Variants in PHTF2 observed in about 807,000 individuals in gnomAD.
PHTF2 encodes protein PHTF2.
Under a neutral mutation model 101.2 loss-of-function variants are expected in PHTF2, and 60 were observed. The ratio of observed to expected loss-of-function variants is 0.59; its 90% CI spans 0.48 to 0.73. The LOEUF (loss-of-function observed/expected upper bound fraction) is 0.73. Ranked by LOEUF, PHTF2 falls within the 30% of genes least tolerant of loss-of-function variation. The probability of loss-of-function intolerance (pLI) is 0.00; values close to 1 mark genes in which losing one functional copy is unlikely to be tolerated. For missense variants in PHTF2, 747 were observed against 908.7 expected (o/e 0.82, Z 2.29); for synonymous variants, 311 against 307.3 (o/e 1.01, Z -0.13).
At chr7:77,804,149 G>C (rs950266148) in intron 1 of PHTF2, among the ~76,000 whole-genome samples, 6 of 152,242 alleles carry the variant, frequency 3.9e-5, no homozygotes, top group African/African-American at 1.4e-4. Context: ...CTGGGGGATA[G>C]AGCAAGCTGA....
chr7:77,880,384 C>T (rs1195261875), intron 3 of PHTF2, among the ~76,000 whole-genome samples: 3 of 152,136 alleles, frequency 2.0e-5, no homozygotes, highest in African/African-American at 2.4e-5. Context: ...TAAAATCATT[C>T]TCCCATCTTA....
chr7:77,905,921 C>G (rs890971340), intron 7 of PHTF2, among the ~76,000 whole-genome samples: 3 of 152,142 alleles, frequency 2.0e-5, no homozygotes, highest in Middle Eastern at 3.2e-3. Flanking sequence ...GTTCGTAGGA[C>G]TTCATTAAAT....
intron 3 of PHTF2, among the ~76,000 whole-genome samples, chr7:77,868,059 A>G (rs563740273): frequency 3.3e-5 from 5 of 152,252 alleles, no homozygotes; most frequent in Admixed American, 2.6e-4. Flanking sequence ...CCCCCATTCT[A>G]TATAAAGTAC....
intron 9 of PHTF2, among the ~76,000 whole-genome samples, chr7:77,919,895 G>T (rs961487746): frequency 3.9e-5 from 6 of 152,136 alleles, no homozygotes; most frequent in African/African-American, 1.4e-4. Context: ...GTTAAACCAT[G>T]AATTGCAACT....
At chr7:77,949,751 C>T (rs772664042) in exon 17 of PHTF2, 2 of 1,549,108 alleles carry the variant, frequency 1.3e-6, no homozygotes, top group South Asian at 1.2e-5. Context: ...ATCTCGTTAA[C>T]ACTTTTTCTC....
chr7:77,917,441 TC>T (rs1370641981), intron 9 of PHTF2, among the ~76,000 whole-genome samples: 19 of 152,328 alleles, frequency 1.2e-4, no homozygotes, highest in African/African-American at 4.3e-4. Flanking sequence ...GTGTATTTGG[TC>T]CTTTACAATT....
intron 1 of PHTF2, among the ~76,000 whole-genome samples, chr7:77,811,361 G>C (rs1205020055): frequency 1.3e-5 from 2 of 152,166 alleles, no homozygotes; most frequent in African/African-American, 2.4e-5. Context: ...ACAAGGTAAA[G>C]TCACTCTTTT....
Position 77,920,259 on chromosome 7 carries a change from CTGCATATTTTAATTTTT to C in PHTF2, c.777-19_777-3del. On this transcript the variant is annotated splice_region_variant and splice_polypyrimidine_tract_variant and intron_variant, in intron 9 of 19. Transcript: ENST00000416283. ...AAATAAGCTAAGTCCAAACATTCTT[CTGCATATTTTAATTTTT>C]AGATCAAAGAAAGCAAAGAATTCAA... 7.3e-7 allele frequency: 1 copy of C among 1,372,364 alleles called. No homozygotes were observed. The highest frequency in any genetic ancestry group is 1.0e-6 in the Non-Finnish European group (1 of 983,004). The allele number at this position is 1,372,364 out of a possible 1,614,324, so 85.0% of individuals were successfully genotyped here. A position where few individuals can be genotyped will look rare whatever the true frequency, so the allele number is the denominator to read the frequency against.
chr7:77,925,257 A>G lies in PHTF2; in HGVS notation c.1119+2479A>G, dbSNP rs79890762. Among the ~76,000 whole-genome samples the G allele has an allele frequency of 6.2e-3, 946 of 152,244 alleles. 54 individuals are homozygous for G. In the East Asian group the frequency reaches 0.11, roughly 18 times the overall value. On this transcript the variant is annotated intron_variant, in intron 11 of 19. Transcript: ENST00000416283. ...ATTTATAAGTCCATATTCCCTTCAA[A>G]TAAATACTATGTGTTCTCTAAATCT...
chr7:77,867,584 G>A (rs1403296005), intron 3 of PHTF2, among the ~76,000 whole-genome samples: 2 of 152,214 alleles, frequency 1.3e-5, no homozygotes, highest in Non-Finnish European at 2.9e-5. Flanking sequence ...AACATTAACT[G>A]CCTCAACTGG....
intron 4 of PHTF2, 84 bp from the exon 4 acceptor site, chr7:77,893,898 G>T: frequency 1.7e-5 from 17 of 986,314 alleles, no homozygotes; most frequent in Admixed American, 1.0e-4. Flanking sequence ...CTATTTTTTT[G>T]TCAGCTTTTT....
chr7:77,834,709 C>T (rs1466310304), intron 1 of PHTF2, among the ~76,000 whole-genome samples: 1 of 152,216 alleles, frequency 6.6e-6, no homozygotes, highest in East Asian at 1.9e-4. Flanking sequence ...CAAGAGCACA[C>T]AGCTCTTAGT....
chr7:77,945,068 G>A (rs1475159415), intron 16 of PHTF2, among the ~76,000 whole-genome samples: 2 of 152,232 alleles, frequency 1.3e-5, no homozygotes, highest in African/African-American at 2.4e-5. Flanking sequence ...GGCTGGGTGT[G>A]GTGGCCCACG....
At chr7:77,933,448 A>G (rs1804792205) in intron 12 of PHTF2, among the ~76,000 whole-genome samples, 1 of 152,182 alleles carries the variant, frequency 6.6e-6, no homozygotes, top group African/African-American at 2.4e-5. Flanking sequence ...AGACCAGGTA[A>G]GATGGGAAGT....
At chr7:77,825,055 A>G (rs993433720) in intron 1 of PHTF2, among the ~76,000 whole-genome samples, 3 of 152,058 alleles carry the variant, frequency 2.0e-5, no homozygotes, top group Non-Finnish European at 4.4e-5. Flanking sequence ...CAACAACAAC[A>G]ATAATATAAA....
intron 17 of PHTF2, among the ~76,000 whole-genome samples, chr7:77,950,250 GA>G (rs1396493029): frequency 6.6e-6 from 1 of 152,116 alleles, no homozygotes; most frequent in East Asian, 1.9e-4. Context: ...ATTTTGTAAA[GA>G]AACTTATTCT....
At chr7:77,814,765 C>G (rs185755627) in intron 1 of PHTF2, among the ~76,000 whole-genome samples, 2 of 152,016 alleles carry the variant, frequency 1.3e-5, no homozygotes, top group East Asian at 1.9e-4. Context: ...CGCGCCCGGT[C>G]TGGGGGGGCA....
intron 1 of PHTF2, among the ~76,000 whole-genome samples, chr7:77,836,833 GGAAGGATAGCGTTAGGA>G (rs1314700333): frequency 6.6e-6 from 1 of 151,944 alleles, no homozygotes; most frequent in Non-Finnish European, 1.5e-5. Flanking sequence ...GGGGGCTTGG[GGAAGGATAGCGTTAGGA>G]GAAATACCTA....
chr7:77,950,038 C>A (rs986839712), intron 17 of PHTF2, among the ~76,000 whole-genome samples: 1 of 151,920 alleles, frequency 6.6e-6, no homozygotes, highest in African/African-American at 2.4e-5. Context: ...TTTTAATGTC[C>A]CATTTTTATT....
Sources: gnomAD v4.1 joint callset for allele counts (sites outside exome capture counted in the v4.1 genomes callset) on GRCh38, gnomAD v4.1.1 for gene constraint, MANE v1.5 for transcripts, NCBI Gene and HGNC (gene_info 2026-07-23, HGNC 2026-07-21) for gene names.